Variants in PRKCB observed in about 807,000 individuals in gnomAD.
PRKCB encodes the protein protein kinase C beta.
A neutral mutation model predicts 81.5 loss-of-function variants in PRKCB; 13 were observed. The ratio of observed to expected loss-of-function variants is 0.16; its 90% CI spans 0.10 to 0.25. The LOEUF (loss-of-function observed/expected upper bound fraction) is 0.25, where lower values mean the gene tolerates loss of function less well. Ranked by LOEUF, PRKCB falls within the 10% of genes least tolerant of loss-of-function variation. PRKCB has a pLI of 1.00. For missense variants in PRKCB, 509 were observed against 875.7 expected (o/e 0.58, Z 5.29); for synonymous variants, 335 against 321.4 (o/e 1.04, Z -0.45).
intron 2 of PRKCB, among the ~76,000 whole-genome samples, chr16:23,921,062 T>C (rs559820655): frequency 4.7e-4 from 71 of 152,290 alleles, no homozygotes; most frequent in Non-Finnish European, 8.5e-4. Context: ...CTGAGATTTA[T>C]TCACTACCAT....
chr16:24,211,936 G>A (rs779042369), intron 16 of PRKCB, among the ~76,000 whole-genome samples: 5 of 152,142 alleles, frequency 3.3e-5, no homozygotes, highest in African/African-American at 4.8e-5. Flanking sequence ...TGCATGCACA[G>A]CAAATACTTC....
At chr16:24,202,040 A>T (rs1359012271) in intron 16 of PRKCB, among the ~76,000 whole-genome samples, 1 of 151,898 alleles carries the variant, frequency 6.6e-6, no homozygotes, top group Non-Finnish European at 1.5e-5. Context: ...CGTCTCAAAA[A>T]AAAAAAAAAA....
intron 5 of PRKCB, among the ~76,000 whole-genome samples, chr16:24,087,613 A>T (rs1252621259): frequency 6.6e-6 from 1 of 152,240 alleles, no homozygotes; most frequent in Non-Finnish European, 1.5e-5. Flanking sequence ...CTTCAAAAGG[A>T]GTTAAATAAG....
intron 5 of PRKCB, among the ~76,000 whole-genome samples, chr16:24,088,839 A>G (rs183570762): frequency 1.6e-3 from 249 of 152,240 alleles, no homozygotes; most frequent in African/African-American, 5.4e-3. Context: ...TAAGCTTATG[A>G]TAGAAGATCT....
chr16:24,025,835 A>G (rs1228970867), intron 3 of PRKCB, among the ~76,000 whole-genome samples: 1 of 152,094 alleles, frequency 6.6e-6, no homozygotes, highest in Non-Finnish European at 1.5e-5. Flanking sequence ...CTTGGTGTGA[A>G]CCCCATCTCT....
intron 9 of PRKCB, among the ~76,000 whole-genome samples, chr16:24,146,757 T>C (rs916708432): frequency 6.6e-6 from 1 of 152,188 alleles, no homozygotes; most frequent in African/African-American, 2.4e-5. Context: ...GGGGAACAGA[T>C]GTGGCTTGGA....
chr16:23,962,859 T>C (rs1596489054), intron 2 of PRKCB: 1 of 152,332 alleles, frequency 6.6e-6, no homozygotes. Flanking sequence ...TGTAACAGTA[T>C]ATGTGGTATC....
intron 5 of PRKCB, among the ~76,000 whole-genome samples, chr16:24,055,468 G>T (rs1965893081): frequency 6.6e-6 from 1 of 152,208 alleles, no homozygotes; most frequent in African/African-American, 2.4e-5. Flanking sequence ...TTTCACGTCG[G>T]CTTCTCTGGC....
intron 2 of PRKCB, among the ~76,000 whole-genome samples, chr16:23,948,376 C>A (rs1306269539): frequency 1.3e-5 from 2 of 152,120 alleles, no homozygotes; most frequent in Non-Finnish European, 2.9e-5. Flanking sequence ...TGACTGCTTA[C>A]AACACTTTAT....
chr16:23,861,110 A>G (rs930462707), intron 2 of PRKCB, among the ~76,000 whole-genome samples: 8 of 151,652 alleles, frequency 5.3e-5, no homozygotes, highest in Non-Finnish European at 8.8e-5. Context: ...CTCACCTTCT[A>G]TTTATAGCAA....
intron 1 of PRKCB, chr16:23,837,145 C>T (rs750884854): frequency 7.5e-5 from 46 of 616,388 alleles, no homozygotes; most frequent in Middle Eastern, 4.4e-4. Flanking sequence ...ACTATCCCGC[C>T]ACCTGGTGGT....
chr16:24,090,572 T>A (rs1041875523), intron 5 of PRKCB, among the ~76,000 whole-genome samples: 2 of 152,084 alleles, frequency 1.3e-5, no homozygotes, highest in Admixed American at 6.6e-5. Flanking sequence ...AAATGCACCA[T>A]AAAATTGAAT....
Position 24,065,314 on chromosome 16 carries a change from G to A in PRKCB, c.530-27477G>A, listed in dbSNP as rs114537820. ...TTATTGCCTTTTGGGGATCACTTAAGTATATTTTATTATTTCATATTCCTT... is the reference window on the plus strand; with the variant it reads ...TTATTGCCTTTTGGGGATCACTTAAATATATTTTATTATTTCATATTCCTT... On this transcript the variant is annotated intron_variant, in intron 5 of 16. Transcript: ENST00000643927. Among the ~76,000 whole-genome samples, 1,201 of 151,598 alleles carry A rather than the reference G, an allele frequency of 7.9e-3. 20 individuals carry two copies. Among genetic ancestry groups the A allele is most frequent in the African/African-American group, 0.027 (1,125 of 41,410 alleles).
chr16:23,950,132 A>ATTTTTTTTT (rs34117735), intron 2 of PRKCB, among the ~76,000 whole-genome samples: 1 of 97,758 alleles, frequency 1.0e-5, no homozygotes, highest in African/African-American at 4.2e-5. Context: ...TATGATTTGA[A>ATTTTTTTTT]TTTTTTTTTT....
At chr16:23,840,053 G>A (rs1219651500) in intron 2 of PRKCB, among the ~76,000 whole-genome samples, 1 of 152,148 alleles carries the variant, frequency 6.6e-6, no homozygotes, top group Admixed American at 6.5e-5. Flanking sequence ...AGGAGTGAGG[G>A]GAGGGGCAGA....
intron 2 of PRKCB, among the ~76,000 whole-genome samples, chr16:23,875,601 GTA>G (rs1368485175): frequency 2.9e-5 from 4 of 138,592 alleles, no homozygotes; most frequent in South Asian, 2.4e-4. Flanking sequence ...ACACACATAT[GTA>G]TGTATATCAC....
intron 2 of PRKCB, among the ~76,000 whole-genome samples, chr16:23,967,649 T>C (rs2141798147): frequency 6.6e-6 from 1 of 152,226 alleles, no homozygotes; most frequent in South Asian, 2.1e-4. Context: ...TTCCTCTTTT[T>C]TGTTTTTGTT....
At chr16:24,120,737 A>AT (rs11404478) in intron 8 of PRKCB, among the ~76,000 whole-genome samples, 86,397 of 151,030 alleles carry the variant, frequency 0.57, 25,017 homozygotes, top group East Asian at 0.77. Context: ...TGAGTCCATC[A>AT]TTTTTTTTTC....
chr16:23,874,339 G>A (rs1306887174), intron 2 of PRKCB, among the ~76,000 whole-genome samples: 1 of 152,116 alleles, frequency 6.6e-6, no homozygotes, highest in Non-Finnish European at 1.5e-5. Flanking sequence ...GCCTATCACT[G>A]AGTAGAGATG....
Sources: gnomAD v4.1 joint callset for allele counts (sites outside exome capture counted in the v4.1 genomes callset) on GRCh38, gnomAD v4.1.1 for gene constraint, MANE v1.5 for transcripts, NCBI Gene and HGNC (gene_info 2026-07-23, HGNC 2026-07-21) for gene names.